Variants in SYNE1 observed in about 807,000 individuals in gnomAD.
SYNE1 encodes the protein spectrin repeat containing nuclear envelope protein 1.
A neutral mutation model predicts 1,111.0 loss-of-function variants in SYNE1; 616 were observed. That is an observed-to-expected ratio of 0.55 (90% CI 0.52 to 0.59). The LOEUF (loss-of-function observed/expected upper bound fraction) is 0.59, where lower values mean the gene tolerates loss of function less well. Ranked by LOEUF, SYNE1 falls within the 20% of genes least tolerant of loss-of-function variation. The pLI, the probability that SYNE1 is intolerant of heterozygous loss-of-function variation, is 0.00. For synonymous variants in SYNE1, 3,855 were observed against 3,825.8 expected (o/e 1.01, Z -0.28); for missense variants, 10,006 against 10,417.0 (o/e 0.96, Z 1.72).
intron 55 of SYNE1, among the ~76,000 whole-genome samples, chr6:152,383,538 G>C (rs923988415): frequency 1.3e-5 from 2 of 152,078 alleles, no homozygotes; most frequent in African/African-American, 4.8e-5. Flanking sequence ...TCTCTACTTA[G>C]AGCCTCAGTG....
chr6:152,425,428 C>A lies in SYNE1; in HGVS notation c.5220G>T (p.Glu1740Asp). 3.7e-6 allele frequency: 6 copies of A among 1,614,214 alleles called. No individual in the cohort carries two copies. The highest frequency in any genetic ancestry group is 5.1e-6 in the Non-Finnish European group (6 of 1,180,024). ...DDVKMMKLHL[E>D]QLDERWRDLP... is the part of the protein sequence containing the mutation. ...AATCTCTCCATCTCTCATCCAACTG[C>A]TCCAAATGTAGTTTCATCATTTTCA... Residue 1740 changes from glutamate (E) to aspartate (D), a missense_variant, in exon 39 of 146, where the codon GAG (glutamate) becomes GAT (aspartate). This residue lies in a region of SYNE1 where 1,971 missense variants were observed against 2,084.1 expected (regional missense o/e 0.95). Coordinates refer to ENST00000367255, the MANE Select transcript of SYNE1 (RefSeq NM_182961.4).
intron 45 of SYNE1, among the ~76,000 whole-genome samples, chr6:152,405,489 C>T (rs1338412344): frequency 1.3e-5 from 2 of 152,068 alleles, no homozygotes; most frequent in African/African-American, 4.8e-5. Context: ...CAAAGGCCTA[C>T]GTAACAGTAG....
chr6:152,366,415 A>G (rs2097080787), intron 62 of SYNE1, among the ~76,000 whole-genome samples: 1 of 152,164 alleles, frequency 6.6e-6, no homozygotes, highest in South Asian at 2.1e-4. Context: ...TAATCCCAGT[A>G]CTTTGGGAGG....
At chr6:152,467,436 G>A (rs187099871) in intron 16 of SYNE1, among the ~76,000 whole-genome samples, 20 of 152,092 alleles carry the variant, frequency 1.3e-4, no homozygotes, top group South Asian at 6.2e-4. Flanking sequence ...AAGATACTGC[G>A]TAAGAAATTG....
At chr6:152,604,659 G>A (rs1224050703) in intron 3 of SYNE1, among the ~76,000 whole-genome samples, 1 of 151,836 alleles carries the variant, frequency 6.6e-6, no homozygotes. Context: ...ATTTTTGGGG[G>A]CAGGGCACGG....
chr6:152,618,730 C>T (rs1631244), intron 3 of SYNE1, among the ~76,000 whole-genome samples: 108,298 of 151,510 alleles, frequency 0.71, 38,762 homozygotes, highest in East Asian at 0.8. Flanking sequence ...ACAAATTTCA[C>T]GATATCAAAA....
Position 152,132,333 on chromosome 6 carries a change from C to A in SYNE1, c.26002-119G>T, listed in dbSNP as rs1212868966. Reference sequence around the variant, plus strand: ...ACCCCCATGTCTCCACCATAAAAATCAAACCATTCCTTGGGGAAAATGGAA... The same window carrying A: ...ACCCCCATGTCTCCACCATAAAAATAAAACCATTCCTTGGGGAAAATGGAA... On this transcript the variant is annotated intron_variant, in intron 143 of 145. Coordinates refer to ENST00000367255, the MANE Select transcript of SYNE1 (RefSeq NM_182961.4). The A allele has an allele frequency of 3.4e-6, 3 of 882,872 alleles. No homozygotes were observed. In the African/African-American group the frequency reaches 4.9e-5, roughly 14 times the overall value. 54.7% of individuals were successfully genotyped at this position (882,872 alleles called of 1,614,324 possible).
chr6:152,278,458 T>G lies in SYNE1; in HGVS notation c.18382-178A>C, dbSNP rs76889987. Among the ~76,000 whole-genome samples the G allele has an allele frequency of 0.02, 2,967 of 152,062 alleles. 97 individuals carry two copies. The highest frequency in any genetic ancestry group is 0.068 in the African/African-American group (2,829 of 41,518). ...TAGTCTGTAGGCTTTTTTTTTATATTTTTTAATTTATTTTTATTTTTTTAG... is the reference window on the plus strand; with the variant it reads ...TAGTCTGTAGGCTTTTTTTTTATATGTTTTAATTTATTTTTATTTTTTTAG... On this transcript the variant is annotated intron_variant, in intron 97 of 145. Coordinates refer to ENST00000367255, the MANE Select transcript of SYNE1 (RefSeq NM_182961.4).
rs2065214309 is a variant in SYNE1 at position 152,171,571 on chromosome 6, TGG to T, written c.23627+4821_23627+4822del. Among the ~76,000 whole-genome samples the T allele has an allele frequency of 2.0e-5, 3 of 152,186 alleles. No homozygotes were observed. The South Asian group carries it at 6.2e-4, about 32-fold the overall frequency. On this transcript the variant is annotated intron_variant, in intron 130 of 145. Coordinates refer to ENST00000367255, the MANE Select transcript of SYNE1 (RefSeq NM_182961.4). Reference sequence around the variant, plus strand: ...CCCGTAAGAAGAATCTGATCTAATCTGGAGAGAAGGAAAAACAGGAAGAACCA... The same window carrying T: ...CCCGTAAGAAGAATCTGATCTAATCTAGAGAAGGAAAAACAGGAAGAACCA...
At chr6:152,499,346 A>T (rs1264789193) in intron 10 of SYNE1, among the ~76,000 whole-genome samples, 1 of 152,096 alleles carries the variant, frequency 6.6e-6, no homozygotes, top group Non-Finnish European at 1.5e-5. Flanking sequence ...GGAAAAGTTC[A>T]TCAGTTTTAT....
chr6:152,451,155 C>T lies in SYNE1; in HGVS notation c.3078G>A (p.Val1026=), dbSNP rs1449730436. 1.9e-6 allele frequency: 3 copies of T among 1,613,956 alleles called. No homozygotes were observed. Among genetic ancestry groups the T allele is most frequent in the Non-Finnish European group, 2.5e-6 (3 of 1,180,036 alleles). Residue 1026 remains valine (V), a synonymous_variant, in exon 26 of 146, where the codon GTG becomes GTA. Transcript: ENST00000367255. ...PYHLLHLKID[V]EKNRFLASVE... is the part of the protein sequence containing the mutation. Reference sequence around the variant, plus strand: ...CAGAGGCTAAGAACCTATTCTTCTCCACATCAATCTTCAGATGAAGCAAAT... The same window carrying T: ...CAGAGGCTAAGAACCTATTCTTCTCTACATCAATCTTCAGATGAAGCAAAT...
At chr6:152,214,824 T>C in intron 122 of SYNE1, 82 bp downstream of exon 122, 1 of 1,540,592 alleles carries the variant, frequency 6.5e-7, no homozygotes, top group Non-Finnish European at 9.0e-7. Context: ...TTATAAATTA[T>C]GCATTCTGTA....
intron 4 of SYNE1, among the ~76,000 whole-genome samples, chr6:152,537,255 C>G (rs555678035): frequency 9.9e-4 from 151 of 152,080 alleles, no homozygotes; most frequent in African/African-American, 3.5e-3. Context: ...CAATGTTTTA[C>G]ATAATTGGAG....
chr6:152,141,690 G>A (rs2459112), intron 138 of SYNE1, among the ~76,000 whole-genome samples: 54,081 of 151,892 alleles, frequency 0.36, 10,605 homozygotes, highest in African/African-American at 0.51. Flanking sequence ...AGAGGGTGGA[G>A]GCTACAGTGA....
chr6:152,466,188 C>T (rs1234664570), intron 16 of SYNE1, 110 bp from the exon 17 acceptor site: 2 of 681,142 alleles, frequency 2.9e-6, no homozygotes, highest in Admixed American at 4.4e-5. Flanking sequence ...ATTTGTTAAT[C>T]TCAGTCTTCT....
rs751320454 is a variant in SYNE1 at position 152,404,194 on chromosome 6, G to C, written c.6825+19C>G. 8.2e-6 allele frequency: 13 copies of C among 1,578,292 alleles called. No homozygotes were observed. The highest frequency in any genetic ancestry group is 1.7e-4 in the Middle Eastern group (1 of 5,834). On this transcript the variant is annotated intron_variant, in intron 46 of 145. Coordinates refer to ENST00000367255, the MANE Select transcript of SYNE1 (RefSeq NM_182961.4). Reference sequence around the variant, plus strand: ...TTACAAAATGGATGGAAGTCTAGTAGTTATTACAAAATGCTTACCTGAAGG... The same window carrying C: ...TTACAAAATGGATGGAAGTCTAGTACTTATTACAAAATGCTTACCTGAAGG...
rs1032522783 is a variant in SYNE1 at position 152,391,304 on chromosome 6, G to A, written c.7977C>T (p.Thr2659=). The A allele has an allele frequency of 6.2e-7, 1 of 1,614,022 alleles. No homozygotes were observed. Among genetic ancestry groups the A allele is most frequent in the Non-Finnish European group, 8.5e-7 (1 of 1,179,994 alleles). The change falls in exon 52 of 146, where the codon ACC becomes ACT. Residue 2659 remains threonine, a synonymous_variant. Transcript: ENST00000367255. ...CAESTLGSKD[T]LEKRLSQIQD... ...GTATTTGTGACAGCCGTTTCTCCAG[G>A]GTGTCTTTGCTCCCAAGAGTGCTCT...
Position 152,539,972 on chromosome 6 carries a change from A to G in SYNE1, c.117T>C (p.Ser39=). Residue 39 remains serine, a synonymous_variant, in exon 4 of 146, where the codon TCT becomes TCC. Transcript: ENST00000367255. ...TAGTTTCCTTTACCTTGGCCAGATG[A>G]GAGTTGATCCATTTTGTGAAAGTTC... ...QKRTFTKWIN[S]HLAKRKPPMV... The G allele has an allele frequency of 6.2e-7, 1 of 1,613,894 alleles. No homozygotes were observed.
At position 152,354,918 on chromosome 6, in the gene SYNE1, C is replaced by G; in HGVS notation, c.10667G>C (p.Arg3556Thr). ...QALLNSVLHT[R>T]EDVIPSGIPQ... is the part of the protein sequence containing the mutation. ...GATACCTGATGGGATCACATCCTCT[C>G]TGGTGTGCAGCACTGAGTTCAACAG... The change falls in exon 67 of 146, where the codon AGA becomes ACA. Residue 3556 changes from arginine to threonine, a missense_variant. Coordinates refer to ENST00000367255, the MANE Select transcript of SYNE1 (RefSeq NM_182961.4). 1 of 1,614,136 alleles carries G rather than the reference C, an allele frequency of 6.2e-7. No homozygotes were observed. The highest frequency in any genetic ancestry group is 1.6e-4 in the Middle Eastern group (1 of 6,062).
Sources: gnomAD v4.1 joint callset for allele counts (sites outside exome capture counted in the v4.1 genomes callset) on GRCh38, gnomAD v4.1.1 for gene constraint, gnomAD v4.1.1 regional missense constraint, MANE v1.5 for transcripts, NCBI Gene and HGNC (gene_info 2026-07-23, HGNC 2026-07-21) for gene names.